SLC26A5: variants seen among roughly 807,000 people sequenced by gnomAD.
The protein encoded by SLC26A5 is solute carrier family 26 member 5.
A neutral mutation model predicts 81.0 loss-of-function variants in SLC26A5; 51 were observed. That is an observed-to-expected ratio of 0.63 (90% confidence interval 0.50 to 0.80). The LOEUF (loss-of-function observed/expected upper bound fraction) is 0.80, where lower values mean the gene tolerates loss of function less well. Ranked by LOEUF, SLC26A5 falls within the 30% of genes least tolerant of loss-of-function variation. The probability of loss-of-function intolerance (pLI) is 0.00; values close to 1 mark genes in which losing one functional copy is unlikely to be tolerated. For missense variants in SLC26A5, 771 were observed against 905.8 expected (o/e 0.85, Z 1.91); for synonymous variants, 325 against 332.8 (o/e 0.98, Z 0.25).
chr7:103,390,798 C>G, intron 11 of SLC26A5, among the ~76,000 whole-genome samples: 1 of 151,872 alleles, frequency 6.6e-6, no homozygotes, highest in South Asian at 2.1e-4. Flanking sequence ...CTACAAGGGC[C>G]ACCAGAAGAG....
intron 5 of SLC26A5, 75 bp downstream of exon 5, chr7:103,412,927 T>C (rs1824618782): frequency 9.5e-7 from 1 of 1,052,078 alleles, no homozygotes; most frequent in East Asian, 2.4e-5. Flanking sequence ...ATAATGACCA[T>C]GCTATTTCTT....
At chr7:103,361,510 CAAAAAA>C (rs759044767) in intron 19 of SLC26A5, among the ~76,000 whole-genome samples, 3 of 51,102 alleles carry the variant, frequency 5.9e-5, no homozygotes, top group African/African-American at 1.9e-4. Flanking sequence ...AACTCCATCT[CAAAAAA>C]AAAAAAAAAA....
chr7:103,352,992 T>C (rs1409330989), intron 19 of SLC26A5: 2 of 779,350 alleles, frequency 2.6e-6, no homozygotes, highest in Non-Finnish European at 4.8e-6. Context: ...ACTCTGTCTA[T>C]TTGCAAATGA....
chr7:103,362,771 G>A (rs1273588601), intron 19 of SLC26A5: 1 of 1,535,118 alleles, frequency 6.5e-7, no homozygotes, highest in South Asian at 1.1e-5. Flanking sequence ...AAGAAACTAT[G>A]GGAGGGAAAA....
chr7:103,436,716 G>A (rs1210248939), intron 2 of SLC26A5, among the ~76,000 whole-genome samples: 1 of 152,152 alleles, frequency 6.6e-6, no homozygotes, highest in Admixed American at 6.5e-5. Context: ...TTCAATAAAT[G>A]GTGCTGGGAA....
At chr7:103,383,310 G>A (rs996658789) in intron 14 of SLC26A5, among the ~76,000 whole-genome samples, 10 of 152,308 alleles carry the variant, frequency 6.6e-5, no homozygotes, top group South Asian at 4.1e-4. Context: ...ATGGACACAC[G>A]CAAGGTGCTA....
intron 19 of SLC26A5, among the ~76,000 whole-genome samples, chr7:103,360,991 G>T (rs1345211064): frequency 6.6e-6 from 1 of 152,066 alleles, no homozygotes; most frequent in Non-Finnish European, 1.5e-5. Context: ...GCGCATTCCT[G>T]TAATGCCAGC....
intron 11 of SLC26A5, 51 bp downstream of exon 11, chr7:103,391,571 A>T: frequency 6.9e-7 from 1 of 1,450,302 alleles, no homozygotes; most frequent in Non-Finnish European, 9.7e-7. Flanking sequence ...AAAGATTAAA[A>T]TTTAATTACC....
intron 2 of SLC26A5, among the ~76,000 whole-genome samples, chr7:103,439,528 G>GTTGT (rs1554351272): frequency 6.1e-5 from 9 of 148,530 alleles, no homozygotes; most frequent in African/African-American, 1.8e-4. Flanking sequence ...GTCTGTTGTT[G>GTTGT]TTGTTTGTTT....
At chr7:103,403,759 CTA>C (rs1823798139) in intron 8 of SLC26A5, among the ~76,000 whole-genome samples, 2 of 148,092 alleles carry the variant, frequency 1.4e-5, no homozygotes, top group Admixed American at 1.4e-4. Context: ...TATTTTGAGA[CTA>C]TGTGTGTCTT....
At chr7:103,405,528 A>G (rs773977359) in intron 8 of SLC26A5, among the ~76,000 whole-genome samples, 2 of 152,182 alleles carry the variant, frequency 1.3e-5, no homozygotes, top group Admixed American at 6.5e-5. Flanking sequence ...CAGAACAGCA[A>G]TGATTGCTAC....
chr7:103,369,730 T>C (rs976207397), downstream of SLC26A5, among the ~76,000 whole-genome samples: 2 of 151,294 alleles, frequency 1.3e-5, no homozygotes, highest in Non-Finnish European at 3.0e-5. Context: ...GATGCACATA[T>C]ATATATATAC....
intron 5 of SLC26A5, among the ~76,000 whole-genome samples, chr7:103,412,226 T>C (rs1025761339): frequency 6.6e-6 from 1 of 152,198 alleles, no homozygotes; most frequent in African/African-American, 2.4e-5. Context: ...CTGGAAAGTA[T>C]GTGTGTGTTA....
At chr7:103,370,362 C>T (rs1820959124), downstream of SLC26A5, among the ~76,000 whole-genome samples, 1 of 152,024 alleles carries the variant, frequency 6.6e-6, no homozygotes, top group African/African-American at 2.4e-5. Context: ...TTCCCTCCCT[C>T]ATCCCCACAC....
chr7:103,382,601 C>T (rs757234844), intron 14 of SLC26A5, among the ~76,000 whole-genome samples: 2 of 152,010 alleles, frequency 1.3e-5, no homozygotes, highest in Non-Finnish European at 2.9e-5. Context: ...CTACCCACCT[C>T]GGCCTCCCAA....
At chr7:103,380,819 CTCA>C (rs1821717598) in intron 14 of SLC26A5, among the ~76,000 whole-genome samples, 1 of 151,380 alleles carries the variant, frequency 6.6e-6, no homozygotes, top group African/African-American at 2.4e-5. Context: ...CCATGTACAC[CTCA>C]TACTACACAT....
intron 19 of SLC26A5, chr7:103,353,825 AATTTG>A (rs1338293513): frequency 1.9e-6 from 2 of 1,064,448 alleles, no homozygotes; most frequent in Non-Finnish European, 2.8e-6. Context: ...CACTTAAAAC[AATTTG>A]AATCGAACAG....
chr7:103,444,189 G>T (rs1268230383), intron 1 of SLC26A5, among the ~76,000 whole-genome samples: 1 of 152,154 alleles, frequency 6.6e-6, no homozygotes, highest in Non-Finnish European at 1.5e-5. Context: ...GTCACAAAAT[G>T]ATTAAATTTA....
In SLC26A5 at chr7:103,397,398, G is replaced by A. The variant is rs184315260; in HGVS notation, c.971+534C>T. 7.9e-5 allele frequency among the ~76,000 whole-genome samples: 12 copies of A among 151,898 alleles called. No individual in the cohort carries two copies. In the South Asian group the frequency reaches 1.2e-3, roughly 16 times the overall value. On this transcript the variant is annotated intron_variant, in intron 9 of 19. Coordinates refer to ENST00000306312, the MANE Select transcript of SLC26A5 (RefSeq NM_198999.3). ...CTATTAAAAATACAAAAAATCAGCCGGGCGTGGTGGCGGGTGCCTGTAGTC... is the reference window on the plus strand; with the variant it reads ...CTATTAAAAATACAAAAAATCAGCCAGGCGTGGTGGCGGGTGCCTGTAGTC...
Sources: allele counts gnomAD v4.1 joint callset (sites outside exome capture counted in the v4.1 genomes callset), GRCh38; gene constraint gnomAD v4.1.1; transcripts MANE v1.5; gene names NCBI Gene and HGNC (gene_info 2026-07-23, HGNC 2026-07-21).